Variants in NEDD4L observed in about 807,000 individuals in gnomAD.
NEDD4L encodes the protein E3 ubiquitin-protein ligase NEDD4-like.
In NEDD4L, 54 loss-of-function variants were observed where a neutral mutation model predicts 148.9. The ratio of observed to expected loss-of-function variants is 0.36; its 90% confidence interval spans 0.29 to 0.45. NEDD4L has a LOEUF of 0.45. Among genes scored for constraint, NEDD4L ranks in the 20% least tolerant of loss-of-function variants. The probability of loss-of-function intolerance (pLI) is 1.00; values close to 1 mark genes in which losing one functional copy is unlikely to be tolerated. For missense variants in NEDD4L, 856 were observed against 1,233.8 expected, an observed-to-expected ratio of 0.69 and a Z score of 4.59; for synonymous variants, 433 against 440.7, an observed-to-expected ratio of 0.98 and a Z score of 0.22.
intron 2 of NEDD4L, among the ~76,000 whole-genome samples, chr18:58,172,771 A>G (rs983869059): frequency 2.0e-5 from 3 of 152,350 alleles, no homozygotes; most frequent in African/African-American, 4.8e-5. Context: ...TTGAGAAGTT[A>G]TCATCAGCCC....
chr18:58,195,355 C>T (rs968955417), intron 2 of NEDD4L: 1 of 1,126,186 alleles, frequency 8.9e-7, no homozygotes, highest in Admixed American at 3.2e-5. Context: ...CGAAGTTCCT[C>T]CTATAGTCAT....
intron 2 of NEDD4L, chr18:58,194,084 CTG>C (rs963469089): frequency 2.6e-5 from 4 of 152,218 alleles, no homozygotes; most frequent in African/African-American, 9.7e-5. Context: ...GATTACGAGT[CTG>C]TGGGAAAGAA....
intron 12 of NEDD4L, 133 bp downstream of exon 12, chr18:58,334,025 G>C (rs1450744970): frequency 1.8e-6 from 1 of 552,450 alleles, no homozygotes; most frequent in Admixed American, 3.6e-5. Context: ...AAATTTCCTG[G>C]CCAATTGCCC....
intron 11 of NEDD4L, among the ~76,000 whole-genome samples, chr18:58,332,464 A>G (rs149125771): frequency 0.011 from 1,703 of 152,308 alleles, 29 homozygotes; most frequent in African/African-American, 0.039. Flanking sequence ...CCTGGCCAAC[A>G]TGGTGAAACC....
At chr18:58,283,050 C>CTTAGTTAT (rs2053394462) in intron 5 of NEDD4L, among the ~76,000 whole-genome samples, 1 of 150,164 alleles carries the variant, frequency 6.7e-6, no homozygotes. Context: ...TGCACACTGC[C>CTTAGTTAT]TTATTTATTT....
At chr18:58,122,665 T>G (rs34658652) in intron 1 of NEDD4L, among the ~76,000 whole-genome samples, 26,168 of 152,204 alleles carry the variant, frequency 0.17, 2,986 homozygotes, top group Non-Finnish European at 0.26. Context: ...ACCTGGCTGA[T>G]TTATTGTTTG....
intron 30 of NEDD4L, among the ~76,000 whole-genome samples, chr18:58,394,590 A>T (rs1361241356): frequency 6.6e-6 from 1 of 152,208 alleles, no homozygotes; most frequent in Non-Finnish European, 1.5e-5. Context: ...TAGAAAGTTA[A>T]AAGCCTGTAT....
chr18:58,125,875 C>T (rs1272569999), intron 1 of NEDD4L, among the ~76,000 whole-genome samples: 2 of 152,212 alleles, frequency 1.3e-5, no homozygotes, highest in Non-Finnish European at 2.9e-5. Flanking sequence ...TCAATTTAGC[C>T]AGCCACATCT....
chr18:58,049,543 G>A (rs2081758287), intron 1 of NEDD4L, among the ~76,000 whole-genome samples: 3 of 152,136 alleles, frequency 2.0e-5, no homozygotes, highest in Non-Finnish European at 2.9e-5. Flanking sequence ...TGCCTGTGTC[G>A]GGCCTAGATG....
Position 58,307,706 on chromosome 18 carries a change from T to TA in NEDD4L, c.298-8275dup, listed in dbSNP as rs545967399. On this transcript the variant is annotated intron_variant, in intron 5 of 30. Transcript: ENST00000400345. ...ACTGTGAGGTTCAGATGCCCGGAGA[T>TA]ATGTGAGGAAGAGCTTTTAGCAATA... Among the ~76,000 whole-genome samples, 455 of 152,214 alleles carry TA rather than the reference T, an allele frequency of 3.0e-3. 3 individuals carry two copies. The highest frequency in any genetic ancestry group is 6.8e-3 in the Middle Eastern group (2 of 294).
intron 5 of NEDD4L, among the ~76,000 whole-genome samples, chr18:58,291,192 A>G (rs113489008): frequency 0.076 from 11,449 of 151,218 alleles, 561 homozygotes; most frequent in Middle Eastern, 0.12. Flanking sequence ...ACCAACCCAC[A>G]TGGTCACACA....
rs182609749 is a variant in NEDD4L at position 58,232,889 on chromosome 18, G to A, written c.123-12538G>A. 2.9e-3 allele frequency among the ~76,000 whole-genome samples: 440 copies of A among 152,306 alleles called. 2 individuals carry two copies. Among genetic ancestry groups the A allele is most frequent in the Non-Finnish European group, 3.9e-3 (264 of 68,030 alleles). ...AGGAATTCTAGGATTTCACAGGTAG[G>A]CGTGTGTTTTGGACTGCAGGCTGAA... On this transcript the variant is annotated intron_variant, in intron 2 of 30. Coordinates refer to ENST00000400345, the MANE Select transcript of NEDD4L (RefSeq NM_001144967.3).
chr18:58,097,193 G>A (rs966247006), intron 1 of NEDD4L, among the ~76,000 whole-genome samples: 2 of 152,190 alleles, frequency 1.3e-5, no homozygotes, highest in African/African-American at 4.8e-5. Context: ...CATTCTGATG[G>A]GAAGGAAATG....
At position 58,325,204 on chromosome 18, in the gene NEDD4L, G is replaced by A. The variant is rs752801335; in HGVS notation, c.680+42G>A. ...GGTCAGGAACACGTGCACGTGCACTGCACAGCTAGGGACAAATATGGCGGC... is the reference window on the plus strand; with the variant it reads ...GGTCAGGAACACGTGCACGTGCACTACACAGCTAGGGACAAATATGGCGGC... On this transcript the variant is annotated intron_variant, in intron 9 of 30. Coordinates refer to ENST00000400345, the MANE Select transcript of NEDD4L (RefSeq NM_001144967.3). 1.6e-5 allele frequency: 26 copies of A among 1,604,818 alleles called. 1 individual carries two copies. In the South Asian group the frequency reaches 2.8e-4, roughly 17 times the overall value.
chr18:58,327,569 C>T (rs915214036), intron 9 of NEDD4L, among the ~76,000 whole-genome samples: 2 of 152,212 alleles, frequency 1.3e-5, no homozygotes, highest in African/African-American at 2.4e-5. Flanking sequence ...GGCATAACTT[C>T]TAGAAGGCAA....
chr18:58,241,760 A>G (rs748173707), intron 2 of NEDD4L, among the ~76,000 whole-genome samples: 1 of 151,966 alleles, frequency 6.6e-6, no homozygotes, highest in Non-Finnish European at 1.5e-5. Context: ...TTTTCTTGGC[A>G]TATAGTAGGC....
chr18:58,393,407 G>T (rs533296267), intron 30 of NEDD4L, among the ~76,000 whole-genome samples: 4 of 152,312 alleles, frequency 2.6e-5, no homozygotes, highest in African/African-American at 9.6e-5. Context: ...TTATAGGCTG[G>T]CAGGGTTGAA....
chr18:58,106,920 TCTG>T (rs1264784909), intron 1 of NEDD4L, among the ~76,000 whole-genome samples: 2 of 152,150 alleles, frequency 1.3e-5, no homozygotes, highest in Non-Finnish European at 2.9e-5. Flanking sequence ...AGTGGGTTAG[TCTG>T]CTAGGGCTGC....
At chr18:58,235,423 T>A (rs181421407) in intron 2 of NEDD4L, among the ~76,000 whole-genome samples, 1 of 152,324 alleles carries the variant, frequency 6.6e-6, no homozygotes, top group East Asian at 1.9e-4. Context: ...GCTCTAGTCC[T>A]GGCATCCCAG....
Sources: allele counts gnomAD v4.1 joint callset (sites outside exome capture counted in the v4.1 genomes callset), GRCh38; gene constraint gnomAD v4.1.1; transcripts MANE v1.5; gene names NCBI Gene and HGNC (gene_info 2026-07-23, HGNC 2026-07-21).